Variants in KCNIP4 observed in about 807,000 individuals in gnomAD.
The protein encoded by KCNIP4 is Kv channel-interacting protein 4.
A neutral mutation model predicts 34.0 loss-of-function variants in KCNIP4; 12 were observed. That is an observed-to-expected ratio of 0.35 (90% CI 0.23 to 0.57). The LOEUF is 0.57. Ranked by LOEUF, KCNIP4 falls within the 20% of genes least tolerant of loss-of-function variation. The pLI, the probability that KCNIP4 is intolerant of heterozygous loss-of-function variation, is 0.83. For missense variants in KCNIP4, 238 were observed against 311.7 expected (o/e 0.76, Z 1.78); for synonymous variants, 124 against 102.2 (o/e 1.21, Z -1.29).
chr4:21,751,030 T>C (rs552723653), intron 1 of KCNIP4, among the ~76,000 whole-genome samples: 34 of 152,276 alleles, frequency 2.2e-4, no homozygotes, highest in Admixed American at 8.5e-4. Context: ...CTTGATTATT[T>C]AGGCCTTGCA....
intron 1 of KCNIP4, among the ~76,000 whole-genome samples, chr4:20,910,867 T>C (rs911116600): frequency 6.6e-6 from 1 of 152,146 alleles, no homozygotes; most frequent in Non-Finnish European, 1.5e-5. Flanking sequence ...GTGACACAGC[T>C]CCTAGAGGCA....
At chr4:21,123,170 T>C (rs961653004) in intron 1 of KCNIP4, among the ~76,000 whole-genome samples, 1 of 151,830 alleles carries the variant, frequency 6.6e-6, no homozygotes, top group Admixed American at 6.6e-5. Flanking sequence ...GCCAAGATCG[T>C]GCCACTGCAC....
chr4:21,138,107 A>T (rs1751653376), intron 1 of KCNIP4, among the ~76,000 whole-genome samples: 1 of 152,022 alleles, frequency 6.6e-6, no homozygotes, highest in South Asian at 2.1e-4. Flanking sequence ...CGTGACCTCA[A>T]GTGATCTGCC....
intron 1 of KCNIP4, among the ~76,000 whole-genome samples, chr4:21,883,008 T>A (rs1726548936): frequency 6.6e-6 from 1 of 152,118 alleles, no homozygotes. Context: ...GGAAATAAAA[T>A]TAAAATGTAC....
intron 1 of KCNIP4, among the ~76,000 whole-genome samples, chr4:20,954,484 A>G (rs975509731): frequency 2.0e-5 from 3 of 152,212 alleles, no homozygotes; most frequent in African/African-American, 7.2e-5. Flanking sequence ...AATCACAAAT[A>G]ATTTATAGTT....
intron 1 of KCNIP4, among the ~76,000 whole-genome samples, chr4:21,423,838 C>T (rs372054266): frequency 2.3e-4 from 34 of 148,814 alleles, no homozygotes; most frequent in African/African-American, 7.9e-4. Flanking sequence ...GACGGAGTCT[C>T]GCTCTGTCGC....
At chr4:21,354,788 C>T (rs567283327) in intron 1 of KCNIP4, among the ~76,000 whole-genome samples, 45 of 152,268 alleles carry the variant, frequency 3.0e-4, no homozygotes, top group Non-Finnish European at 5.7e-4. Context: ...CAGCTCTGCA[C>T]CAAGTGGACC....
intron 1 of KCNIP4, among the ~76,000 whole-genome samples, chr4:21,754,975 T>C (rs532213330): frequency 1.4e-3 from 212 of 152,098 alleles, no homozygotes; most frequent in African/African-American, 4.9e-3. Context: ...GGAGAAACCC[T>C]GTCTCTACTA....
At chr4:21,479,656 C>A (rs772962498) in intron 1 of KCNIP4, among the ~76,000 whole-genome samples, 25 of 151,962 alleles carry the variant, frequency 1.6e-4, no homozygotes, top group Non-Finnish European at 2.9e-4. Flanking sequence ...AATAAAAAAG[C>A]ATTAAATGGG....
At chr4:21,190,512 G>A (rs1172347314) in intron 1 of KCNIP4, among the ~76,000 whole-genome samples, 1 of 151,652 alleles carries the variant, frequency 6.6e-6, no homozygotes, top group African/African-American at 2.4e-5. Flanking sequence ...TGGGTGGGGG[G>A]GGGCACTGAG....
chr4:21,749,628 T>C (rs890889665), intron 1 of KCNIP4, among the ~76,000 whole-genome samples: 3 of 152,152 alleles, frequency 2.0e-5, no homozygotes, highest in African/African-American at 4.8e-5. Flanking sequence ...ATTCAGCTAA[T>C]GAGACCCGTC....
rs143987592 is a variant in KCNIP4 at position 21,043,682 on chromosome 4, G to T, written c.62-160973C>A. Among the ~76,000 whole-genome samples, 42 of 152,128 alleles carry T rather than the reference G, an allele frequency of 2.8e-4. No homozygotes were observed. In the East Asian group the frequency reaches 7.9e-3, roughly 29 times the overall value. On this transcript the variant is annotated intron_variant, in intron 1 of 8. Transcript: ENST00000382152. The stretch of plus-strand genomic sequence containing the variant: ...TATGTGATAGAAGAAGAAAATAGAA[G>T]CAATGTTTTTGGATGCTAATATATG...
At chr4:21,466,377 C>T (rs966872775) in intron 1 of KCNIP4, among the ~76,000 whole-genome samples, 2 of 152,174 alleles carry the variant, frequency 1.3e-5, no homozygotes, top group African/African-American at 4.8e-5. Context: ...GGCCAGATGG[C>T]AAACTGATCA....
chr4:21,668,209 C>T (rs374369226), intron 1 of KCNIP4, among the ~76,000 whole-genome samples: 2 of 152,034 alleles, frequency 1.3e-5, no homozygotes, highest in Non-Finnish European at 2.9e-5. Flanking sequence ...GAGAGGGGAA[C>T]GTCACACCAG....
At chr4:21,179,356 G>C (rs938506166) in intron 1 of KCNIP4, among the ~76,000 whole-genome samples, 6 of 152,140 alleles carry the variant, frequency 3.9e-5, no homozygotes, top group Non-Finnish European at 7.3e-5. Context: ...AGTTCACAAA[G>C]CATCCTTCAC....
intron 1 of KCNIP4, among the ~76,000 whole-genome samples, chr4:20,954,381 G>T (rs564358717): frequency 6.6e-6 from 1 of 152,232 alleles, no homozygotes; most frequent in East Asian, 1.9e-4. Context: ...TTACATTAGT[G>T]TTTGTTGATG....
chr4:21,542,232 C>T (rs915434149), intron 1 of KCNIP4, among the ~76,000 whole-genome samples: 9 of 151,978 alleles, frequency 5.9e-5, no homozygotes, highest in South Asian at 2.1e-4. Context: ...AATTCAAAGG[C>T]GACCCAAAAG....
chr4:21,393,825 T>G (rs1722751700), intron 1 of KCNIP4, among the ~76,000 whole-genome samples: 1 of 152,182 alleles, frequency 6.6e-6, no homozygotes. Flanking sequence ...ATAAAACATT[T>G]TACATTTAGG....
intron 1 of KCNIP4, among the ~76,000 whole-genome samples, chr4:21,512,233 G>A (rs924597206): frequency 6.6e-6 from 1 of 151,950 alleles, no homozygotes; most frequent in Non-Finnish European, 1.5e-5. Context: ...AGTCTCCTTT[G>A]TATCAGAATT....
Sources: gnomAD v4.1 joint callset for allele counts (sites outside exome capture counted in the v4.1 genomes callset) on GRCh38, gnomAD v4.1.1 for gene constraint, MANE v1.5 for transcripts, NCBI Gene and HGNC (gene_info 2026-07-23, HGNC 2026-07-21) for gene names.